SYNE1: variants seen among roughly 807,000 people sequenced by gnomAD.
SYNE1 encodes spectrin repeat containing nuclear envelope protein 1.
In SYNE1, 616 loss-of-function variants were observed where a neutral mutation model predicts 1,111.0. The observed-to-expected ratio is 0.55, with a 90% CI of 0.52 to 0.59. The LOEUF (loss-of-function observed/expected upper bound fraction) is 0.59. SYNE1 is among the 20% of genes least tolerant of loss of function. SYNE1 has a pLI of 0.00. For synonymous variants in SYNE1, 3,855 were observed against 3,825.8 expected (o/e 1.01, Z -0.28); for missense variants, 10,006 against 10,417.0 (o/e 0.96, Z 1.72).
At chr6:152,483,310 GCAC>G in intron 13 of SYNE1, 61 bp from the exon 14 acceptor site, 2 of 1,437,128 alleles carry the variant, frequency 1.4e-6, no homozygotes, top group Non-Finnish European at 2.0e-6. Flanking sequence ...TTATAAAATT[GCAC>G]CCAAATAATA....
chr6:152,584,220 T>C (rs2099529834), intron 3 of SYNE1, among the ~76,000 whole-genome samples: 1 of 151,964 alleles, frequency 6.6e-6, no homozygotes. Context: ...ACACTTGCAG[T>C]AGTGCCTGGC....
At chr6:152,416,055 T>G (rs1012045317) in intron 41 of SYNE1, among the ~76,000 whole-genome samples, 3 of 152,204 alleles carry the variant, frequency 2.0e-5, no homozygotes, top group African/African-American at 7.2e-5. Context: ...TTAATCCATG[T>G]GTTGCAAGAG....
At chr6:152,163,240 G>A (rs1379903200) in intron 131 of SYNE1, among the ~76,000 whole-genome samples, 2 of 152,176 alleles carry the variant, frequency 1.3e-5, no homozygotes, top group Admixed American at 1.3e-4. Flanking sequence ...GCTCACGCCT[G>A]TAATCCCAGC....
At chr6:152,620,610 G>A (rs1041113447) in intron 3 of SYNE1, among the ~76,000 whole-genome samples, 15 of 151,810 alleles carry the variant, frequency 9.9e-5, no homozygotes, top group African/African-American at 2.7e-4. Flanking sequence ...ACACCAAACC[G>A]AATTCATCAA....
chr6:152,611,865 G>A (rs977287794), intron 3 of SYNE1, among the ~76,000 whole-genome samples: 9 of 151,882 alleles, frequency 5.9e-5, no homozygotes, highest in Non-Finnish European at 8.8e-5. Flanking sequence ...TCACAACTAC[G>A]TGGAAACTGA....
chr6:152,501,457 A>G (rs1487269125), intron 10 of SYNE1, among the ~76,000 whole-genome samples: 1 of 152,132 alleles, frequency 6.6e-6, no homozygotes, highest in African/African-American at 2.4e-5. Flanking sequence ...AATCTTGGCC[A>G]GGCGTGGTGG....
intron 130 of SYNE1, among the ~76,000 whole-genome samples, chr6:152,173,673 C>G (rs2065740878): frequency 1.3e-5 from 2 of 152,176 alleles, no homozygotes; most frequent in Non-Finnish European, 2.9e-5. Flanking sequence ...TGGTGTTAAA[C>G]TCCAGGATGG....
intron 128 of SYNE1, among the ~76,000 whole-genome samples, chr6:152,183,287 T>TA (rs975649785): frequency 1.2e-4 from 18 of 152,172 alleles, no homozygotes; most frequent in Non-Finnish European, 2.4e-4. Context: ...ACTGAAACTA[T>TA]ACTCTTATTA....
At chr6:152,151,891 A>C in intron 134 of SYNE1, 68 bp downstream of exon 134, 1 of 1,577,268 alleles carries the variant, frequency 6.3e-7, no homozygotes, top group Non-Finnish European at 8.7e-7. Context: ...ACTGTGTCTC[A>C]AGACTGCATT....
At chr6:152,524,221 C>T (rs2099153322) in intron 5 of SYNE1, among the ~76,000 whole-genome samples, 1 of 151,966 alleles carries the variant, frequency 6.6e-6, no homozygotes, top group South Asian at 2.1e-4. Flanking sequence ...GAGGTATGTC[C>T]CTTCTATGAC....
At chr6:152,268,782 A>G (rs1017790756) in intron 99 of SYNE1, among the ~76,000 whole-genome samples, 8 of 152,226 alleles carry the variant, frequency 5.3e-5, no homozygotes, top group African/African-American at 1.4e-4. Flanking sequence ...ATTAAAAAAA[A>G]TAACAAACAT....
intron 130 of SYNE1, among the ~76,000 whole-genome samples, chr6:152,173,077 G>A (rs2065597002): frequency 6.6e-6 from 1 of 152,196 alleles, no homozygotes; most frequent in Admixed American, 6.5e-5. Context: ...TATTCACTGA[G>A]TCCTAAAAGT....
intron 143 of SYNE1, among the ~76,000 whole-genome samples, chr6:152,132,873 A>ATT (rs11360288): frequency 8.9e-5 from 13 of 146,324 alleles, no homozygotes; most frequent in South Asian, 4.3e-4. Flanking sequence ...CTGTTTTTTA[A>ATT]TTTTTTTTTT....
intron 3 of SYNE1, among the ~76,000 whole-genome samples, chr6:152,602,090 T>G (rs527753104): frequency 6.6e-6 from 1 of 152,220 alleles, no homozygotes; most frequent in Admixed American, 6.5e-5. Context: ...CCCAATTTCC[T>G]CAACCCTCAG....
intron 66 of SYNE1, among the ~76,000 whole-genome samples, chr6:152,355,676 T>C (rs2096824535): frequency 6.6e-6 from 1 of 152,188 alleles, no homozygotes; most frequent in African/African-American, 2.4e-5. Context: ...AAGATATTGG[T>C]AAAACAACAT....
chr6:152,480,661 C>T (rs941633325), intron 14 of SYNE1: 37 of 414,594 alleles, frequency 8.9e-5, no homozygotes, highest in Non-Finnish European at 1.4e-4. Flanking sequence ...GTACCCATGC[C>T]CAGGCCTAGT....
chr6:152,433,759 G>A, intron 34 of SYNE1, 36 bp downstream of exon 34: 1 of 1,612,626 alleles, frequency 6.2e-7, no homozygotes, highest in Non-Finnish European at 8.5e-7. Flanking sequence ...TTAAAAGCTA[G>A]ACATGGATTA....
At chr6:152,333,496 T>G (rs1456139204) in intron 77 of SYNE1, among the ~76,000 whole-genome samples, 1 of 152,130 alleles carries the variant, frequency 6.6e-6, no homozygotes, top group Non-Finnish European at 1.5e-5. Flanking sequence ...TTCAAACATT[T>G]CTCTTTTACC....
At chr6:152,497,697 T>A (rs2099007062) in intron 11 of SYNE1, among the ~76,000 whole-genome samples, 2 of 152,218 alleles carry the variant, frequency 1.3e-5, no homozygotes, top group African/African-American at 4.8e-5. Context: ...TTGGAAAGTG[T>A]CTAGCAGATT....
Sources: gnomAD v4.1 joint callset for allele counts (sites outside exome capture counted in the v4.1 genomes callset) on GRCh38, gnomAD v4.1.1 for gene constraint, MANE v1.5 for transcripts, NCBI Gene and HGNC (gene_info 2026-07-23, HGNC 2026-07-21) for gene names.